MAMDC2: variants seen among roughly 807,000 people sequenced by gnomAD.
MAMDC2 encodes MAM domain containing 2.
Under a neutral mutation model 89.8 loss-of-function variants are expected in MAMDC2, and 57 were observed. The ratio of observed to expected loss-of-function variants is 0.63; its 90% CI spans 0.51 to 0.79. MAMDC2 has a LOEUF of 0.79. Among genes scored for constraint, MAMDC2 ranks in the 30% least tolerant of loss-of-function variants. The pLI is 0.00. For synonymous variants in MAMDC2, 313 were observed against 293.4 expected (o/e 1.07, Z -0.68); for missense variants, 800 against 820.6 (o/e 0.97, Z 0.31).
chr9:70,177,493 G>T (rs745953631), intron 11 of MAMDC2, among the ~76,000 whole-genome samples: 2 of 152,088 alleles, frequency 1.3e-5, no homozygotes, highest in South Asian at 4.2e-4. Context: ...GCTGACTGTG[G>T]GTAACCGAAA....
At chr9:70,136,663 C>G (rs907027600) in intron 7 of MAMDC2, among the ~76,000 whole-genome samples, 9 of 152,206 alleles carry the variant, frequency 5.9e-5, no homozygotes, top group African/African-American at 2.2e-4. Context: ...GGGGAAGATT[C>G]ATTCCTGATG....
At chr9:70,183,380 T>C (rs959214932) in intron 11 of MAMDC2, among the ~76,000 whole-genome samples, 2 of 152,238 alleles carry the variant, frequency 1.3e-5, no homozygotes, top group African/African-American at 4.8e-5. Context: ...GGTCCAGAGC[T>C]GAGTTCAAGT....
intron 2 of MAMDC2, among the ~76,000 whole-genome samples, chr9:70,079,806 G>A (rs1827613458): frequency 6.6e-6 from 1 of 152,166 alleles, no homozygotes; most frequent in Non-Finnish European, 1.5e-5. Flanking sequence ...TGCAGAAGTT[G>A]TTTGACAGGT....
At chr9:70,087,955 C>A (rs1424629119) in intron 2 of MAMDC2, among the ~76,000 whole-genome samples, 1 of 151,978 alleles carries the variant, frequency 6.6e-6, no homozygotes, top group African/African-American at 2.4e-5. Flanking sequence ...TTAGGAATTT[C>A]TTGATTTTTT....
chr9:70,106,025 C>T (rs1188192611), intron 2 of MAMDC2: 7 of 152,158 alleles, frequency 4.6e-5, no homozygotes, highest in Admixed American at 4.6e-4. Flanking sequence ...TCTCAAAGAC[C>T]AGTAGCAACA....
At chr9:70,111,376 G>A (rs1780612443) in intron 4 of MAMDC2, among the ~76,000 whole-genome samples, 1 of 152,142 alleles carries the variant, frequency 6.6e-6, no homozygotes, top group South Asian at 2.1e-4. Flanking sequence ...ACAAAAGGAT[G>A]CCAACACTTT....
chr9:70,191,988 C>T (rs1246800356), intron 11 of MAMDC2, among the ~76,000 whole-genome samples: 1 of 152,076 alleles, frequency 6.6e-6, no homozygotes, highest in Non-Finnish European at 1.5e-5. Context: ...GCTTTGGTAG[C>T]CCTGAAATTC....
intron 2 of MAMDC2, among the ~76,000 whole-genome samples, chr9:70,058,807 G>A (rs1827082806): frequency 1.3e-5 from 2 of 152,198 alleles, no homozygotes; most frequent in Admixed American, 1.3e-4. Context: ...CCCATACACA[G>A]GGAGAATTGA....
chr9:70,127,251 T>C (rs1039638561), intron 6 of MAMDC2, among the ~76,000 whole-genome samples: 4 of 152,122 alleles, frequency 2.6e-5, no homozygotes, highest in African/African-American at 9.7e-5. Flanking sequence ...ATTGGACATT[T>C]TTTTCTAGGT....
At chr9:70,066,766 G>A (rs1827275781) in intron 2 of MAMDC2, among the ~76,000 whole-genome samples, 2 of 152,216 alleles carry the variant, frequency 1.3e-5, no homozygotes, top group African/African-American at 2.4e-5. Flanking sequence ...CTAAAAGTAT[G>A]TACTAGCAAT....
intron 2 of MAMDC2, among the ~76,000 whole-genome samples, chr9:70,054,833 T>A (rs1435437960): frequency 6.6e-6 from 1 of 152,058 alleles, no homozygotes; most frequent in Non-Finnish European, 1.5e-5. Flanking sequence ...TGTGTGAAAT[T>A]TTATTTCTAC....
intron 9 of MAMDC2, among the ~76,000 whole-genome samples, chr9:70,161,616 A>C (rs2118492738): frequency 6.6e-6 from 1 of 152,352 alleles, no homozygotes; most frequent in African/African-American, 2.4e-5. Context: ...TTCTAGATAA[A>C]GCTTCACTTA....
chr9:70,059,148 G>A (rs951561493), intron 2 of MAMDC2, among the ~76,000 whole-genome samples: 3 of 152,172 alleles, frequency 2.0e-5, no homozygotes, highest in African/African-American at 7.2e-5. Context: ...ACTCAAACGG[G>A]TAGCGAGGTG....
At chr9:70,208,306 A>C (rs1193493341) in intron 11 of MAMDC2, among the ~76,000 whole-genome samples, 8 of 151,918 alleles carry the variant, frequency 5.3e-5, no homozygotes, top group African/African-American at 9.7e-5. Flanking sequence ...CTTTTATTTC[A>C]TTGAGCAGTG....
chr9:70,108,140 A>G, intron 2 of MAMDC2, 71 bp from the exon 3 acceptor site: 1 of 1,397,772 alleles, frequency 7.2e-7, no homozygotes, highest in East Asian at 2.4e-5. Context: ...GATTTACTTA[A>G]CTGCAGTTAC....
chr9:70,048,598 C>T (rs4744585), intron 2 of MAMDC2, among the ~76,000 whole-genome samples: 16,525 of 152,274 alleles, frequency 0.11, 970 homozygotes, highest in East Asian at 0.15. Context: ...CGCGCCCAGC[C>T]AGGGTTCTGT....
At chr9:70,153,865 G>A (rs547007909) in intron 9 of MAMDC2, 134 of 152,244 alleles carry the variant, frequency 8.8e-4, no homozygotes, top group African/African-American at 3.0e-3. Context: ...GTCTCGTGGA[G>A]CACAAATGCC....
intron 2 of MAMDC2, among the ~76,000 whole-genome samples, chr9:70,091,012 G>A (rs1465270559): frequency 6.7e-6 from 1 of 150,188 alleles, no homozygotes; most frequent in Admixed American, 6.6e-5. Context: ...GCACAGAATC[G>A]CATATAGTAT....
At chr9:70,108,612 A>C (rs1828410998) in intron 3 of MAMDC2, 130 bp downstream of exon 3, 6 of 726,992 alleles carry the variant, frequency 8.3e-6, no homozygotes, top group Non-Finnish European at 1.2e-5. Context: ...CATAAGATAC[A>C]TACCATAGAA....
Sources: allele counts gnomAD v4.1 joint callset (sites outside exome capture counted in the v4.1 genomes callset), GRCh38; gene constraint gnomAD v4.1.1; transcripts MANE v1.5; gene names NCBI Gene and HGNC (gene_info 2026-07-23, HGNC 2026-07-21).